CMSS1: variants seen among roughly 807,000 people sequenced by gnomAD.
CMSS1 encodes the protein protein CMSS1.
CMSS1 carries 33 observed loss-of-function variants against 43.5 expected under a neutral mutation model. The observed-to-expected ratio is 0.76, with a 90% CI of 0.57 to 1.01. The LOEUF (loss-of-function observed/expected upper bound fraction) is 1.01. CMSS1 is among the 50% of genes least tolerant of loss of function. CMSS1 has a pLI of 0.00. For synonymous variants in CMSS1, 115 were observed against 117.2 expected (o/e 0.98, Z 0.12); for missense variants, 313 against 326.4 (o/e 0.96, Z 0.32).
intron 1 of CMSS1, among the ~76,000 whole-genome samples, chr3:99,970,775 T>C (rs1559708475): frequency 6.6e-6 from 1 of 152,216 alleles, no homozygotes; most frequent in Non-Finnish European, 1.5e-5. Flanking sequence ...TTTACCATTC[T>C]AAAGACCTTA....
intron 1 of CMSS1, among the ~76,000 whole-genome samples, chr3:99,916,851 G>A (rs564325162): frequency 2.6e-4 from 40 of 152,222 alleles, no homozygotes; most frequent in Middle Eastern, 6.8e-3. Context: ...TCATCTTCAC[G>A]GCTGGCCAAA....
At chr3:100,112,537 AG>A (rs2066509038) in intron 1 of CMSS1, among the ~76,000 whole-genome samples, 1 of 152,250 alleles carries the variant, frequency 6.6e-6, no homozygotes, top group Non-Finnish European at 1.5e-5. Context: ...GCTTAAATAA[AG>A]CTTAAGCAAA....
At chr3:100,046,452 A>T (rs539422436) in intron 1 of CMSS1, among the ~76,000 whole-genome samples, 15 of 151,812 alleles carry the variant, frequency 9.9e-5, no homozygotes, top group African/African-American at 3.6e-4. Flanking sequence ...GTTTACTAGT[A>T]GTAGCCTAAC....
At chr3:100,068,575 A>G (rs1204380505) in intron 1 of CMSS1, among the ~76,000 whole-genome samples, 2 of 152,220 alleles carry the variant, frequency 1.3e-5, no homozygotes, top group Non-Finnish European at 1.5e-5. Context: ...AATACATAGT[A>G]TATGTATCAG....
Position 100,003,430 on chromosome 3 carries a change from T to A in CMSS1, c.65-143543T>A, listed in dbSNP as rs548479150. ...TTAACCAATGCACCTAGAATAAACC[T>A]GTAGCAAGTGCCTACCATGTGCAAG... On this transcript the variant is annotated intron_variant, in intron 1 of 9. Transcript: ENST00000421999. Among the ~76,000 whole-genome samples the A allele has an allele frequency of 2.2e-4, 33 of 152,372 alleles. 1 individual carries two copies. The South Asian group carries it at 6.6e-3, about 31-fold the overall frequency.
At chr3:100,105,238 A>C (rs1405768883) in intron 1 of CMSS1, among the ~76,000 whole-genome samples, 2 of 152,214 alleles carry the variant, frequency 1.3e-5, no homozygotes, top group African/African-American at 4.8e-5. Context: ...CAGAGCTTAA[A>C]GTTGAAATAA....
At position 99,924,283 on chromosome 3, in the gene CMSS1, T is replaced by C. The variant is rs770690071; in HGVS notation, c.64+106240T>C. The C allele has an allele frequency of 2.5e-6, 4 of 1,614,024 alleles. No homozygotes were observed. In the East Asian group the frequency reaches 6.7e-5, roughly 27 times the overall value. ...TGAATTCATCACTCTTCTCCATGTA[T>C]TCTTTATGTTTTCTCTTTTCTTCCT... On this transcript the variant is annotated intron_variant, in intron 1 of 9. Transcript: ENST00000421999.
chr3:99,850,396 A>G, intron 1 of CMSS1: 2 of 1,613,596 alleles, frequency 1.2e-6, no homozygotes, highest in Non-Finnish European at 1.7e-6. Flanking sequence ...TAACTTTTCC[A>G]GAGCCATAAT....
intron 1 of CMSS1, among the ~76,000 whole-genome samples, chr3:100,119,863 T>C (rs958092785): frequency 3.3e-5 from 5 of 152,250 alleles, no homozygotes; most frequent in African/African-American, 9.6e-5. Flanking sequence ...GGATTATTTA[T>C]ATGTAAAATT....
At chr3:100,068,431 A>G (rs2065704679) in intron 1 of CMSS1, among the ~76,000 whole-genome samples, 1 of 152,100 alleles carries the variant, frequency 6.6e-6, no homozygotes, top group Non-Finnish European at 1.5e-5. Context: ...TTAACTACAA[A>G]ACATCATCTG....
At chr3:100,172,435 A>G (rs943103372) in intron 8 of CMSS1, 32 bp downstream of exon 8, 12 of 1,534,928 alleles carry the variant, frequency 7.8e-6, no homozygotes, top group Non-Finnish European at 1.1e-5. Context: ...ACTCTTGCCC[A>G]GGGCTGGGAG....
At chr3:100,091,425 T>G (rs1331821274) in intron 1 of CMSS1, among the ~76,000 whole-genome samples, 1 of 152,184 alleles carries the variant, frequency 6.6e-6, no homozygotes, top group African/African-American at 2.4e-5. Context: ...GAAAGACTCA[T>G]GTTTTGTAAG....
At chr3:100,062,442 G>A (rs1036181916) in intron 1 of CMSS1, among the ~76,000 whole-genome samples, 1 of 152,026 alleles carries the variant, frequency 6.6e-6, no homozygotes, top group Non-Finnish European at 1.5e-5. Context: ...AAGATTTTGA[G>A]CCCTTTAAGC....
chr3:100,069,855 C>CCTGGCG (rs965860011), intron 1 of CMSS1, among the ~76,000 whole-genome samples: 9 of 151,940 alleles, frequency 5.9e-5, no homozygotes, highest in African/African-American at 2.2e-4. Context: ...TGATATCTAC[C>CCTGGCG]CTGGATATGA....
chr3:100,007,776 G>GA (rs1710030462), intron 1 of CMSS1, among the ~76,000 whole-genome samples: 1 of 152,096 alleles, frequency 6.6e-6, no homozygotes. Context: ...AGTACTGATA[G>GA]AAAAAATATA....
intron 1 of CMSS1, among the ~76,000 whole-genome samples, chr3:99,875,821 A>G (rs1352510140): frequency 6.6e-6 from 1 of 152,234 alleles, no homozygotes; most frequent in Non-Finnish European, 1.5e-5. Flanking sequence ...CGTATGTAAT[A>G]CAGTCACCTC....
Position 100,117,846 on chromosome 3 carries a change from T to TAA in CMSS1, c.65-29126_65-29125insAA, listed in dbSNP as rs2066586447. On this transcript the variant is annotated intron_variant, in intron 1 of 9. Transcript: ENST00000421999. Reference sequence around the variant, plus strand: ...TGCAGTATATATATATATATATATATATATATACATATATATATATATATA... The same window carrying TAA: ...TGCAGTATATATATATATATATATATAAATATATACATATATATATATATATA... Among the ~76,000 whole-genome samples the TAA allele has an allele frequency of 3.2e-5, 3 of 93,918 alleles. No individual in the cohort carries two copies. In the East Asian group the frequency reaches 8.2e-4, roughly 26 times the overall value. The allele number at this position is 93,918 out of a possible 152,430, so 61.6% of individuals were successfully genotyped here.
chr3:100,168,482 C>T (rs764902585), intron 6 of CMSS1, among the ~76,000 whole-genome samples: 2 of 152,072 alleles, frequency 1.3e-5, no homozygotes, highest in Non-Finnish European at 2.9e-5. Context: ...ACTCTTGAGC[C>T]CTGGAGCTTG....
At chr3:100,117,112 T>C (rs1388699533) in intron 1 of CMSS1, among the ~76,000 whole-genome samples, 1 of 152,172 alleles carries the variant, frequency 6.6e-6, no homozygotes, top group Non-Finnish European at 1.5e-5. Flanking sequence ...ATAATTGCCA[T>C]GTGTCAGGCA....
Sources: gnomAD v4.1 joint callset for allele counts (sites outside exome capture counted in the v4.1 genomes callset) on GRCh38, gnomAD v4.1.1 for gene constraint, MANE v1.5 for transcripts, NCBI Gene and HGNC (gene_info 2026-07-23, HGNC 2026-07-21) for gene names.